The following CMIP variants were observed in gnomAD, a reference collection of about 807,000 sequenced individuals.
CMIP encodes c-Maf inducing protein.
A neutral mutation model predicts 97.3 loss-of-function variants in CMIP; 13 were observed. The ratio of observed to expected loss-of-function variants is 0.13; its 90% CI spans 0.09 to 0.21. The LOEUF (loss-of-function observed/expected upper bound fraction) is 0.21. Ranked by LOEUF, CMIP falls within the 10% of genes least tolerant of loss-of-function variation. CMIP has a pLI of 1.00. For synonymous variants in CMIP, 538 were observed against 436.3 expected, an observed-to-expected ratio of 1.23 and a Z score of -2.91; for missense variants, 847 against 1,024.9, an observed-to-expected ratio of 0.83 and a Z score of 2.37.
chr16:81,570,224 C>A (rs1193277230), intron 1 of CMIP, among the ~76,000 whole-genome samples: 1 of 152,120 alleles, frequency 6.6e-6, no homozygotes, highest in African/African-American at 2.4e-5. Flanking sequence ...CTTGGTGTAG[C>A]CACAGAGGGG....
intron 1 of CMIP, among the ~76,000 whole-genome samples, chr16:81,550,311 A>T (rs1202849594): frequency 6.6e-6 from 1 of 152,164 alleles, no homozygotes; most frequent in African/African-American, 2.4e-5. Flanking sequence ...ACTGGTGTGG[A>T]GTGGCATTGA....
In CMIP at chr16:81,445,493, G is replaced by T; in HGVS notation, c.252G>T (p.Trp84Cys). The T allele has an allele frequency of 6.4e-7, 1 of 1,555,726 alleles. No individual in the cohort carries two copies. Among genetic ancestry groups the T allele is most frequent in the South Asian group, 1.2e-5 (1 of 84,478 alleles). ...KILTSKFLRR[W>C]EPHHLTLADN... ...TCACCTCGAAATTCCTGAGGCGCTGGGAGCCGCACCACCTAACGCTGGCCG... is the reference window on the plus strand; with the variant it reads ...TCACCTCGAAATTCCTGAGGCGCTGTGAGCCGCACCACCTAACGCTGGCCG... The change falls in exon 1 of 21, where the codon TGG (tryptophan) becomes TGT (cysteine). Residue 84 changes from tryptophan to cysteine, a missense_variant. Physicochemically the swap from Trp to Cys is radical, Grantham distance 215. Transcript: ENST00000537098.
At chr16:81,668,829 C>T (rs886667718) in intron 7 of CMIP, among the ~76,000 whole-genome samples, 1 of 150,870 alleles carries the variant, frequency 6.6e-6, no homozygotes, top group African/African-American at 2.5e-5. Flanking sequence ...ACACTCACTG[C>T]CTTCCACACC....
chr16:81,463,352 C>T (rs1907003257), intron 1 of CMIP, among the ~76,000 whole-genome samples: 1 of 152,196 alleles, frequency 6.6e-6, no homozygotes, highest in East Asian at 1.9e-4. Context: ...CAGATTTAGA[C>T]ATGGAATTTT....
intron 7 of CMIP, among the ~76,000 whole-genome samples, chr16:81,669,456 T>C (rs369363294): frequency 1.1e-3 from 73 of 67,142 alleles, no homozygotes; most frequent in South Asian, 2.7e-3. Flanking sequence ...TCCTTCCACA[T>C]CCACCTCTCA....
chr16:81,644,888 C>T (rs925712963), intron 3 of CMIP, among the ~76,000 whole-genome samples: 16 of 152,248 alleles, frequency 1.1e-4, no homozygotes, highest in South Asian at 4.1e-4. Context: ...TTCCTCGGGC[C>T]GAACGCAGTG....
At chr16:81,450,813 A>T (rs1048177252) in intron 1 of CMIP, among the ~76,000 whole-genome samples, 11 of 152,228 alleles carry the variant, frequency 7.2e-5, no homozygotes, top group Admixed American at 2.0e-4. Flanking sequence ...TTTGATTAGT[A>T]TAACAAGGTG....
intron 1 of CMIP, among the ~76,000 whole-genome samples, chr16:81,575,920 C>T (rs991979656): frequency 9.2e-5 from 14 of 152,150 alleles, no homozygotes; most frequent in African/African-American, 3.4e-4. Context: ...AGTAGACTGG[C>T]TAAACTGTAA....
chr16:81,482,862 G>T (rs1392763798), intron 1 of CMIP, among the ~76,000 whole-genome samples: 3 of 152,238 alleles, frequency 2.0e-5, no homozygotes, highest in Non-Finnish European at 4.4e-5. Context: ...CAGCCCTGGG[G>T]TCAGCGAGGC....
chr16:81,624,436 T>G (rs1284753623), intron 3 of CMIP, among the ~76,000 whole-genome samples: 1 of 151,266 alleles, frequency 6.6e-6, no homozygotes, highest in Non-Finnish European at 1.5e-5. Context: ...TACGTTCTCC[T>G]GTATGTAAAG....
intron 7 of CMIP, chr16:81,667,015 T>C (rs1043033626): frequency 2.6e-5 from 4 of 151,384 alleles, no homozygotes; most frequent in African/African-American, 9.7e-5. Flanking sequence ...CTAGCCTGCC[T>C]AAGCCATGAG....
chr16:81,707,149 G>A, intron 20 of CMIP, 65 bp downstream of exon 20: 1 of 1,304,392 alleles, frequency 7.7e-7, no homozygotes, highest in Non-Finnish European at 1.1e-6. Context: ...GGATGCTGGT[G>A]CATCTCCTGC....
intron 1 of CMIP, among the ~76,000 whole-genome samples, chr16:81,456,746 T>C (rs565104255): frequency 6.6e-6 from 1 of 152,228 alleles, no homozygotes; most frequent in East Asian, 1.9e-4. Flanking sequence ...AGCAGAGTTT[T>C]GGGGCTGCAA....
intron 1 of CMIP, among the ~76,000 whole-genome samples, chr16:81,542,112 C>G (rs1195518479): frequency 1.3e-5 from 2 of 152,042 alleles, no homozygotes; most frequent in Non-Finnish European, 2.9e-5. Flanking sequence ...TAAACACAGC[C>G]CAGGAACAAG....
chr16:81,476,139 C>G, intron 1 of CMIP: 1 of 1,013,352 alleles, frequency 9.9e-7, no homozygotes, highest in South Asian at 1.3e-5. Flanking sequence ...TTGCCGGAGA[C>G]CACGTGCTTG....
At chr16:81,669,662 CCACCTCACACT>C (rs1412610715) in intron 7 of CMIP, among the ~76,000 whole-genome samples, 2 of 107,514 alleles carry the variant, frequency 1.9e-5, no homozygotes, top group Non-Finnish European at 3.8e-5. Flanking sequence ...CCTTCCACAC[CCACCTCACACT>C]CACCTCCTTC....
chr16:81,562,969 G>A (rs984336912), intron 1 of CMIP, among the ~76,000 whole-genome samples: 12 of 152,200 alleles, frequency 7.9e-5, no homozygotes, highest in African/African-American at 2.9e-4. Context: ...CTGCTGAGCA[G>A]AGCTTTCTGC....
chr16:81,560,803 A>G (rs2090867572), intron 1 of CMIP, among the ~76,000 whole-genome samples: 1 of 152,216 alleles, frequency 6.6e-6, no homozygotes, highest in Non-Finnish European at 1.5e-5. Flanking sequence ...AGTATTCAGG[A>G]CAATAACATT....
chr16:81,579,312 T>G (rs1352258882), intron 1 of CMIP, among the ~76,000 whole-genome samples: 2 of 152,144 alleles, frequency 1.3e-5, no homozygotes, highest in African/African-American at 4.8e-5. Context: ...GTGGAAGGCA[T>G]TCACCTTTGT....
Sources: allele counts gnomAD v4.1 joint callset (sites outside exome capture counted in the v4.1 genomes callset), GRCh38; gene constraint gnomAD v4.1.1; transcripts MANE v1.5; gene names NCBI Gene and HGNC (gene_info 2026-07-23, HGNC 2026-07-21).